Variants in PTPRD observed in about 807,000 individuals in gnomAD.
PTPRD encodes the protein protein tyrosine phosphatase receptor type D.
A neutral mutation model predicts 214.5 loss-of-function variants in PTPRD; 34 were observed. The ratio of observed to expected loss-of-function variants is 0.16; its 90% CI spans 0.12 to 0.21. The LOEUF (loss-of-function observed/expected upper bound fraction) is 0.21. PTPRD is among the 10% of genes least tolerant of loss of function. The pLI, the probability that PTPRD is intolerant of heterozygous loss-of-function variation, is 1.00. For missense variants in PTPRD, 2,545 were observed against 2,398.7 expected (o/e 1.06, Z -1.27); for synonymous variants, 1,128 against 845.7 (o/e 1.33, Z -5.79).
intron 12 of PTPRD, among the ~76,000 whole-genome samples, chr9:8,642,069 C>T (rs2096588867): frequency 6.6e-6 from 1 of 152,132 alleles, no homozygotes; most frequent in Non-Finnish European, 1.5e-5. Context: ...CATTGAAGTC[C>T]ACCAGTAACA....
intron 9 of PTPRD, among the ~76,000 whole-genome samples, chr9:9,185,580 T>C (rs1349717364): frequency 6.6e-6 from 1 of 152,068 alleles, no homozygotes; most frequent in Admixed American, 6.6e-5. Flanking sequence ...GATGATCAGA[T>C]CTCCTGGCTT....
At chr9:10,261,224 T>C (rs2093681356) in intron 3 of PTPRD, among the ~76,000 whole-genome samples, 1 of 151,452 alleles carries the variant, frequency 6.6e-6, no homozygotes, top group Non-Finnish European at 1.5e-5. Flanking sequence ...ACCTAGAGGA[T>C]CATAGAAACT....
At chr9:9,268,726 T>C (rs779268954) in intron 9 of PTPRD, among the ~76,000 whole-genome samples, 10 of 150,804 alleles carry the variant, frequency 6.6e-5, no homozygotes, top group Non-Finnish European at 1.2e-4. Context: ...CAACTCATCT[T>C]CAATGAAGAT....
chr9:10,475,322 G>T (rs1356959815), intron 2 of PTPRD, among the ~76,000 whole-genome samples: 2 of 152,080 alleles, frequency 1.3e-5, no homozygotes, highest in Non-Finnish European at 2.9e-5. Flanking sequence ...TGATTCCACA[G>T]AAATAGAAAC....
At chr9:9,426,347 G>A (rs1009420281) in intron 8 of PTPRD, among the ~76,000 whole-genome samples, 2 of 152,238 alleles carry the variant, frequency 1.3e-5, no homozygotes, top group Non-Finnish European at 2.9e-5. Context: ...CAAGGCGGCA[G>A]CAAGGCTTGG....
rs555462276 is a variant in PTPRD at position 10,251,056 on chromosome 9, G to T, written c.-545+89907C>A. Among the ~76,000 whole-genome samples the T allele has an allele frequency of 2.0e-5, 3 of 151,946 alleles. No homozygotes were observed. The South Asian group carries it at 6.2e-4, about 32-fold the overall frequency. On this transcript the variant is annotated intron_variant, in intron 3 of 45. Coordinates refer to ENST00000381196, the MANE Select transcript of PTPRD (RefSeq NM_002839.4). ...TAATTGAATTAGAGGGCTACATAGG[G>T]GTCTTTGAACAAGATGAAGTTTAGT...
rs746886854 is a variant in PTPRD, at chr9:8,331,635, G to C, written c.5481C>G (p.Val1827=). 6 of 1,613,702 alleles carry C rather than the reference G, an allele frequency of 3.7e-6. No homozygotes were observed. Among genetic ancestry groups the C allele is most frequent in the Non-Finnish European group, 5.1e-6 (6 of 1,179,926 alleles). Residue 1827 remains valine (V), a synonymous_variant, in exon 44 of 46, where the codon GTC becomes GTG. Transcript: ENST00000381196. ...GGCCAAACTGTTCTTTTGTTTTATGGACTTGGCCGATGAAGTCAATAAATC... is the reference window on the plus strand; with the variant it reads ...GGCCAAACTGTTCTTTTGTTTTATGCACTTGGCCGATGAAGTCAATAAATC... ...GEGFIDFIGQ[V]HKTKEQFGQD...
intron 9 of PTPRD, among the ~76,000 whole-genome samples, chr9:9,391,044 T>A (rs1466056913): frequency 1.3e-5 from 2 of 152,200 alleles, no homozygotes; most frequent in Non-Finnish European, 2.9e-5. Context: ...GCTTTAAGCA[T>A]AAGAGACTGC....
chr9:9,074,519 T>C (rs2099748202), intron 10 of PTPRD, among the ~76,000 whole-genome samples: 2 of 152,076 alleles, frequency 1.3e-5, no homozygotes, highest in African/African-American at 2.4e-5. Flanking sequence ...TTATGTTTTA[T>C]GGATTTGGTA....
intron 14 of PTPRD, among the ~76,000 whole-genome samples, chr9:8,549,889 C>T (rs2081484017): frequency 6.6e-6 from 1 of 152,142 alleles, no homozygotes; most frequent in Non-Finnish European, 1.5e-5. Context: ...GGTACCATTT[C>T]AAGCTCTTTC....
At chr9:9,855,287 C>T (rs574612690) in intron 5 of PTPRD, among the ~76,000 whole-genome samples, 3 of 152,234 alleles carry the variant, frequency 2.0e-5, no homozygotes, top group African/African-American at 7.2e-5. Flanking sequence ...TTCATTTATA[C>T]AAAGCTTTGA....
chr9:8,854,049 C>T (rs999294692), intron 11 of PTPRD, among the ~76,000 whole-genome samples: 2 of 152,106 alleles, frequency 1.3e-5, no homozygotes, highest in African/African-American at 2.4e-5. Context: ...ATATTTAGCA[C>T]TTCATATATC....
chr9:8,378,771 A>G (rs756996811), intron 37 of PTPRD, among the ~76,000 whole-genome samples: 1 of 152,130 alleles, frequency 6.6e-6, no homozygotes, highest in Non-Finnish European at 1.5e-5. Context: ...TATATTTTAA[A>G]ACTGGGACTC....
At chr9:8,831,470 G>A (rs2097290176) in intron 11 of PTPRD, among the ~76,000 whole-genome samples, 1 of 152,066 alleles carries the variant, frequency 6.6e-6, no homozygotes, top group African/African-American at 2.4e-5. Context: ...AACATGCTCA[G>A]AGACCAGACT....
intron 5 of PTPRD, among the ~76,000 whole-genome samples, chr9:9,821,712 GTTACTATTA>G (rs1401866103): frequency 1.3e-5 from 2 of 151,808 alleles, no homozygotes; most frequent in East Asian, 3.9e-4. Flanking sequence ...TCTGAAATAG[GTTACTATTA>G]TTATTCAAAT....
At position 9,191,693 on chromosome 9, in the gene PTPRD, T is replaced by C. The variant is rs556315688; in HGVS notation, c.-202-8330A>G. The stretch of plus-strand genomic sequence containing the variant: ...CTTTATTTATTGCACCATTGAAATA[T>C]GGTGCACTATGTGAACCAAAAGCCA... On this transcript the variant is annotated intron_variant, in intron 9 of 45. Transcript: ENST00000381196. 4.7e-4 allele frequency among the ~76,000 whole-genome samples: 72 copies of C among 152,238 alleles called. 4 individuals are homozygous for C. The South Asian group carries it at 0.014, about 31-fold the overall frequency.
chr9:9,947,433 A>AC (rs2092806814), intron 4 of PTPRD, among the ~76,000 whole-genome samples: 2 of 31,452 alleles, frequency 6.4e-5, no homozygotes, highest in African/African-American at 6.1e-4. Context: ...TATTATATAT[A>AC]TATTATATAT....
chr9:9,612,419 T>C (rs981545401), intron 7 of PTPRD, among the ~76,000 whole-genome samples: 1 of 152,206 alleles, frequency 6.6e-6, no homozygotes, highest in Admixed American at 6.5e-5. Context: ...TGTGTCTGTC[T>C]GCAACTGTGA....
chr9:9,568,022 G>A lies in PTPRD; in HGVS notation c.-237+6710C>T, dbSNP rs373090277. On this transcript the variant is annotated intron_variant, in intron 8 of 45. Coordinates refer to ENST00000381196, the MANE Select transcript of PTPRD (RefSeq NM_002839.4). ...TACGGCAGACATCTTTCAATATTGA[G>A]GGATTCTGGCCAAGGACAAACCTAA... 1.1e-4 allele frequency among the ~76,000 whole-genome samples: 17 copies of A among 151,670 alleles called. No individual in the cohort carries two copies. The South Asian group carries it at 3.3e-3, about 30-fold the overall frequency.
Sources: allele counts gnomAD v4.1 joint callset (sites outside exome capture counted in the v4.1 genomes callset), GRCh38; gene constraint gnomAD v4.1.1; transcripts MANE v1.5; gene names NCBI Gene and HGNC (gene_info 2026-07-23, HGNC 2026-07-21).